The following PHACTR1 variants were observed in gnomAD, a reference collection of about 807,000 sequenced individuals.
PHACTR1 encodes phosphatase and actin regulator 1.
PHACTR1 carries 16 observed loss-of-function variants against 69.2 expected under a neutral mutation model. The observed-to-expected ratio is 0.23, with a 90% CI of 0.16 to 0.35. The LOEUF (loss-of-function observed/expected upper bound fraction) is 0.35, where lower values mean the gene tolerates loss of function less well. PHACTR1 is among the 10% of genes least tolerant of loss of function. PHACTR1 has a pLI of 1.00. For missense variants in PHACTR1, 510 were observed against 734.7 expected (o/e 0.69, Z 3.54); for synonymous variants, 312 against 284.5 (o/e 1.10, Z -0.97).
chr6:13,209,734 G>A (rs773994207), intron 8 of PHACTR1, among the ~76,000 whole-genome samples: 6 of 152,154 alleles, frequency 3.9e-5, no homozygotes, highest in Admixed American at 1.3e-4. Flanking sequence ...CCAACAGGAC[G>A]TTCCCCAGGT....
intron 4 of PHACTR1, among the ~76,000 whole-genome samples, chr6:12,901,716 G>A (rs1370668842): frequency 1.3e-5 from 2 of 152,118 alleles, no homozygotes; most frequent in Non-Finnish European, 2.9e-5. Flanking sequence ...GGCTGGTCTC[G>A]AACTCCTGAC....
At chr6:13,137,558 T>A (rs1037536872) in intron 5 of PHACTR1, among the ~76,000 whole-genome samples, 1 of 152,246 alleles carries the variant, frequency 6.6e-6, no homozygotes. Context: ...CTCTGTTATC[T>A]AAAATAAAGA....
chr6:12,947,366 C>G (rs1443686638), intron 4 of PHACTR1, among the ~76,000 whole-genome samples: 1 of 146,918 alleles, frequency 6.8e-6, no homozygotes. Flanking sequence ...TCTGTGATGA[C>G]AACAGTTGCC....
intron 5 of PHACTR1, among the ~76,000 whole-genome samples, chr6:13,064,736 G>A (rs960460389): frequency 3.1e-4 from 47 of 149,740 alleles, no homozygotes; most frequent in Admixed American, 8.0e-4. Context: ...AAGCTTCAGC[G>A]TGGTCTGGGA....
At chr6:12,976,107 G>A (rs1249362621) in intron 4 of PHACTR1, among the ~76,000 whole-genome samples, 1 of 152,182 alleles carries the variant, frequency 6.6e-6, no homozygotes, top group Non-Finnish European at 1.5e-5. Context: ...ATCAATCACT[G>A]GGGGAGGGGG....
intron 10 of PHACTR1, chr6:13,230,402 A>C: frequency 8.4e-7 from 1 of 1,195,050 alleles, no homozygotes; most frequent in Non-Finnish European, 1.1e-6. Context: ...AAATGCAAAA[A>C]TTAGTCAGGC....
At chr6:13,168,558 A>G (rs941593410) in intron 6 of PHACTR1, among the ~76,000 whole-genome samples, 1 of 152,246 alleles carries the variant, frequency 6.6e-6, no homozygotes, top group African/African-American at 2.4e-5. Context: ...TAGAACTTAC[A>G]GTCCTGATGA....
chr6:13,008,428 C>T (rs2127639261), intron 4 of PHACTR1, among the ~76,000 whole-genome samples: 1 of 152,280 alleles, frequency 6.6e-6, no homozygotes, highest in South Asian at 2.1e-4. Context: ...CTTACATACC[C>T]CTAAATTTCC....
At chr6:12,930,184 T>C (rs1280766970) in intron 4 of PHACTR1, among the ~76,000 whole-genome samples, 3 of 152,016 alleles carry the variant, frequency 2.0e-5, no homozygotes, top group Non-Finnish European at 2.9e-5. Context: ...GCTGGGACTA[T>C]AGGTGTGTGC....
intron 11 of PHACTR1, chr6:13,277,947 C>CAA (rs756557633): frequency 2.5e-3 from 304 of 122,200 alleles, no homozygotes; most frequent in South Asian, 8.5e-3. Flanking sequence ...GAGACCGTGT[C>CAA]AAAAAAAAAA....
intron 5 of PHACTR1, among the ~76,000 whole-genome samples, chr6:13,056,391 C>A (rs1255930391): frequency 2.0e-5 from 3 of 152,274 alleles, no homozygotes; most frequent in Non-Finnish European, 4.4e-5. Context: ...CCAGCTGAGA[C>A]CCAATCTCAC....
chr6:13,031,405 G>A (rs1802432624), intron 4 of PHACTR1, among the ~76,000 whole-genome samples: 1 of 152,192 alleles, frequency 6.6e-6, no homozygotes, highest in Admixed American at 6.5e-5. Context: ...AATAGTTGAT[G>A]TACTTCATAC....
chr6:12,763,642 C>T (rs1357788407), intron 4 of PHACTR1, among the ~76,000 whole-genome samples: 1 of 152,176 alleles, frequency 6.6e-6, no homozygotes, highest in Non-Finnish European at 1.5e-5. Context: ...CTCAATCAGG[C>T]ATAACTTTAG....
chr6:12,924,122 G>A (rs1376031249), intron 4 of PHACTR1, among the ~76,000 whole-genome samples: 2 of 152,264 alleles, frequency 1.3e-5, no homozygotes, highest in East Asian at 3.9e-4. Context: ...TAGTTTAGAT[G>A]ATATAAAATA....
At chr6:12,985,294 C>T (rs1358652351) in intron 4 of PHACTR1, among the ~76,000 whole-genome samples, 1 of 151,846 alleles carries the variant, frequency 6.6e-6, no homozygotes, top group Admixed American at 6.6e-5. Flanking sequence ...AGGTCTTACT[C>T]CAATTGAGAA....
In PHACTR1 at chr6:13,245,159, C is replaced by CTT. The variant is rs1025579768; in HGVS notation, c.1391+14968_1391+14969dup. ...GTGATGAACACACATGTGCATGTGT[C>CTT]TTTATGGTAGAATGATTTCTGTTCC... On this transcript the variant is annotated intron_variant, in intron 10 of 14. Coordinates refer to ENST00000332995, the MANE Select transcript of PHACTR1 (RefSeq NM_030948.6). The surrounding 1 kb of genome is among the most constrained non-coding windows in gnomAD (Gnocchi z 4.1). 6.6e-6 allele frequency among the ~76,000 whole-genome samples: 1 copy of CTT among 152,142 alleles called. No individual in the cohort carries two copies. The highest frequency in any genetic ancestry group is 2.4e-5 in the African/African-American group (1 of 41,424).
intron 4 of PHACTR1, among the ~76,000 whole-genome samples, chr6:13,041,760 T>C (rs1804215892): frequency 6.6e-6 from 1 of 152,058 alleles, no homozygotes; most frequent in African/African-American, 2.4e-5. Flanking sequence ...TTTGCAAAGG[T>C]TGAATCAAAA....
intron 4 of PHACTR1, among the ~76,000 whole-genome samples, chr6:13,003,961 ATATG>A (rs1278566319): frequency 0.022 from 2,329 of 108,306 alleles, 326 homozygotes; most frequent in African/African-American, 0.1. Context: ...CTATATATAT[ATATG>A]TATATATATA....
intron 4 of PHACTR1, among the ~76,000 whole-genome samples, chr6:12,930,068 GA>G (rs1275139480): frequency 2.7e-5 from 4 of 150,268 alleles, no homozygotes; most frequent in Non-Finnish European, 4.4e-5. Flanking sequence ...TTTAGATGGG[GA>G]TCTTGCTCTG....
Sources: gnomAD v4.1 joint callset for allele counts (sites outside exome capture counted in the v4.1 genomes callset) on GRCh38, gnomAD v4.1.1 for gene constraint, Gnocchi (gnomAD v3.1) non-coding constraint, MANE v1.5 for transcripts, NCBI Gene and HGNC (gene_info 2026-07-23, HGNC 2026-07-21) for gene names.